UIMC1: variants seen among roughly 807,000 people sequenced by gnomAD.
UIMC1 encodes ubiquitin interaction motif containing 1.
In UIMC1, 42 loss-of-function variants were observed where a neutral mutation model predicts 84.9. The ratio of observed to expected loss-of-function variants is 0.49; its 90% confidence interval spans 0.39 to 0.64. The LOEUF is 0.64. UIMC1 is among the 30% of genes least tolerant of loss of function. The pLI is 0.00. For missense variants in UIMC1, 825 were observed against 847.6 expected (o/e 0.97, Z 0.33); for synonymous variants, 281 against 293.0 (o/e 0.96, Z 0.42).
chr5:176,964,293 T>C (rs1767975690), intron 6 of UIMC1, among the ~76,000 whole-genome samples: 1 of 152,222 alleles, frequency 6.6e-6, no homozygotes, highest in Non-Finnish European at 1.5e-5. Context: ...TTGAAGTTTG[T>C]TTTTTAAAGG....
At chr5:176,981,944 C>T (rs1388054006) in intron 2 of UIMC1, among the ~76,000 whole-genome samples, 4 of 152,068 alleles carry the variant, frequency 2.6e-5, no homozygotes, top group Admixed American at 6.6e-5. Flanking sequence ...ATCTTTATTC[C>T]GGAGAATAAA....
intron 10 of UIMC1, among the ~76,000 whole-genome samples, chr5:176,917,259 CAATT>C (rs1276150105): frequency 3.3e-5 from 5 of 152,200 alleles, no homozygotes; most frequent in African/African-American, 9.6e-5. Flanking sequence ...AGACCAGTCT[CAATT>C]AAAGGCTATT....
intron 5 of UIMC1, 59 bp from the exon 6 acceptor site, chr5:176,969,350 G>T: frequency 6.5e-7 from 1 of 1,535,614 alleles, no homozygotes; most frequent in Admixed American, 2.2e-5. Flanking sequence ...AGAGGGCTTG[G>T]TAAGTTATCA....
At chr5:176,933,166 G>C (rs957855768) in intron 10 of UIMC1, among the ~76,000 whole-genome samples, 4 of 152,076 alleles carry the variant, frequency 2.6e-5, no homozygotes, top group Admixed American at 1.3e-4. Flanking sequence ...AAGCACCTTC[G>C]AGGCAAAAAG....
chr5:177,000,498 CTTTTTTTTTT>C (rs966855813), intron 1 of UIMC1, among the ~76,000 whole-genome samples: 53 of 113,364 alleles, frequency 4.7e-4, no homozygotes, highest in African/African-American at 2.1e-3. Flanking sequence ...ACTTGCATGT[CTTTTTTTTTT>C]TTTTTTTTTG....
At chr5:176,958,238 A>C in intron 6 of UIMC1, 84 bp from the exon 7 acceptor site, 1 of 1,154,480 alleles carries the variant, frequency 8.7e-7, no homozygotes. Context: ...TTAATTGTTC[A>C]ATGTTCTCCC....
intron 3 of UIMC1, among the ~76,000 whole-genome samples, 170 bp downstream of exon 3, chr5:176,975,223 GAAA>G (rs888631172): frequency 1.3e-5 from 2 of 152,112 alleles, no homozygotes; most frequent in East Asian, 3.9e-4. Context: ...ACAGGAAACT[GAAA>G]AAAGTTATTG....
rs533230868 is a variant in UIMC1, at chr5:176,958,986, C to T, written c.1201-832G>A. On this transcript the variant is annotated intron_variant, in intron 6 of 14. Coordinates refer to ENST00000511320, the MANE Select transcript of UIMC1 (RefSeq NM_001199298.2). The stretch of plus-strand genomic sequence containing the variant: ...TACCAGCTGAAGTTTTCAAGGTTTC[C>T]TAATAAGATATGAATAACCTAAACA... 2.0e-5 allele frequency among the ~76,000 whole-genome samples: 3 copies of T among 152,304 alleles called. No homozygotes were observed. The South Asian group carries it at 6.2e-4, about 32-fold the overall frequency.
At chr5:176,945,134 G>C (rs143850830) in intron 9 of UIMC1, among the ~76,000 whole-genome samples, 57 of 152,252 alleles carry the variant, frequency 3.7e-4, no homozygotes, top group African/African-American at 1.3e-3. Context: ...TTCTGGAAGC[G>C]GATCCTGCAA....
At chr5:176,990,408 G>C (rs927338389) in intron 1 of UIMC1, among the ~76,000 whole-genome samples, 4 of 151,708 alleles carry the variant, frequency 2.6e-5, no homozygotes, top group Non-Finnish European at 5.9e-5. Context: ...TCAGAACTGT[G>C]AACAAAAAAA....
At chr5:176,945,721 C>G (rs1023795551) in intron 9 of UIMC1, among the ~76,000 whole-genome samples, 3 of 152,226 alleles carry the variant, frequency 2.0e-5, no homozygotes, top group Non-Finnish European at 2.9e-5. Context: ...TGCCACAGCT[C>G]CGCTAGGCCT....
chr5:176,973,079 C>T (rs1206652609), intron 3 of UIMC1, among the ~76,000 whole-genome samples: 1 of 152,126 alleles, frequency 6.6e-6, no homozygotes, highest in East Asian at 2.0e-4. Context: ...CCAGGCCCGG[C>T]TAATTTTTGT....
intron 10 of UIMC1, among the ~76,000 whole-genome samples, chr5:176,913,003 T>G (rs1353010670): frequency 6.6e-6 from 1 of 152,216 alleles, no homozygotes; most frequent in East Asian, 1.9e-4. Flanking sequence ...GGAAATTCAC[T>G]TCCCCCTAGG....
At chr5:176,957,979 A>G (rs1766821012) in intron 7 of UIMC1, 114 bp downstream of exon 7, 3 of 887,802 alleles carry the variant, frequency 3.4e-6, no homozygotes, top group Admixed American at 5.3e-5. Context: ...TTCACTTATA[A>G]AAGAGCTAAA....
chr5:176,943,264 A>G lies in UIMC1; in HGVS notation c.1597+71T>C, dbSNP rs1764666084. 5.3e-6 allele frequency: 8 copies of G among 1,514,388 alleles called. No homozygotes were observed. In the South Asian group the frequency reaches 6.7e-5, roughly 13 times the overall value. The allele number at this position is 1,514,388 out of a possible 1,614,324, so 93.8% of individuals were successfully genotyped here. A position where few individuals can be genotyped will look rare whatever the true frequency, so the allele number is the denominator to read the frequency against. On this transcript the variant is annotated intron_variant, in intron 10 of 14. Coordinates refer to ENST00000511320, the MANE Select transcript of UIMC1 (RefSeq NM_001199298.2). ...AAGAACAGCTATGTTTTTTCCCTGC[A>G]TTGTAATGTATAGGATTATAAAACC...
chr5:176,931,684 A>C (rs542472415), intron 10 of UIMC1, among the ~76,000 whole-genome samples: 2 of 152,376 alleles, frequency 1.3e-5, no homozygotes, highest in Admixed American at 1.3e-4. Context: ...GTTGAACAAA[A>C]GTTGTTAGAA....
At chr5:176,989,810 C>A (rs2149519407) in intron 1 of UIMC1, among the ~76,000 whole-genome samples, 1 of 152,172 alleles carries the variant, frequency 6.6e-6, no homozygotes, top group South Asian at 2.1e-4. Flanking sequence ...TAGATATGAC[C>A]TATCCACTAT....
At chr5:177,001,708 G>T (rs562638043) in intron 1 of UIMC1, among the ~76,000 whole-genome samples, 75 of 151,848 alleles carry the variant, frequency 4.9e-4, no homozygotes, top group African/African-American at 1.8e-3. Context: ...GGAGGCTGAG[G>T]GGGGGCGGAT....
intron 6 of UIMC1, among the ~76,000 whole-genome samples, chr5:176,960,186 G>A (rs892876097): frequency 6.6e-6 from 1 of 152,120 alleles, no homozygotes; most frequent in African/African-American, 2.4e-5. Flanking sequence ...TAAATAATTT[G>A]CCCTAAATCA....
Sources: allele counts gnomAD v4.1 joint callset (sites outside exome capture counted in the v4.1 genomes callset), GRCh38; gene constraint gnomAD v4.1.1; transcripts MANE v1.5; gene names NCBI Gene and HGNC (gene_info 2026-07-23, HGNC 2026-07-21).